The following YEATS4 variants were observed in gnomAD, a reference collection of about 807,000 sequenced individuals.
The protein encoded by YEATS4 is YEATS domain-containing protein 4.
Under a neutral mutation model 30.1 loss-of-function variants are expected in YEATS4, and 17 were observed. The ratio of observed to expected loss-of-function variants is 0.56; its 90% confidence interval spans 0.39 to 0.85. The LOEUF (loss-of-function observed/expected upper bound fraction) is 0.85, where lower values mean the gene tolerates loss of function less well. Ranked by LOEUF, YEATS4 falls within the 40% of genes least tolerant of loss-of-function variation. The pLI is 0.00. For synonymous variants in YEATS4, 85 were observed against 87.5 expected, an observed-to-expected ratio of 0.97 and a Z score of 0.16; for missense variants, 142 against 268.3, an observed-to-expected ratio of 0.53 and a Z score of 3.29.
intron 4 of YEATS4, among the ~76,000 whole-genome samples, chr12:69,369,398 T>C (rs1321000650): frequency 1.3e-5 from 2 of 152,208 alleles, no homozygotes; most frequent in Non-Finnish European, 2.9e-5. Flanking sequence ...TGTCCTTATT[T>C]TTTCTTCATA....
At chr12:69,379,112 C>G (rs1467157591) in intron 6 of YEATS4, among the ~76,000 whole-genome samples, 1 of 152,152 alleles carries the variant, frequency 6.6e-6, no homozygotes, top group East Asian at 1.9e-4. Context: ...ACTGAAAAGT[C>G]CACTACCAGA....
chr12:69,422,102 G>A, the YEATS4 span, among the ~76,000 whole-genome samples: 1 of 152,144 alleles, frequency 6.6e-6, no homozygotes, highest in Non-Finnish European at 1.5e-5. Flanking sequence ...GAAGATAGAA[G>A]ATTCTGGCGA....
the YEATS4 span, among the ~76,000 whole-genome samples, chr12:69,405,673 G>A: frequency 6.6e-5 from 10 of 152,330 alleles, no homozygotes; most frequent in African/African-American, 2.2e-4. Flanking sequence ...TGCAGACAGC[G>A]TGGATCTGCT....
chr12:69,381,185 C>T lies in YEATS4; in HGVS notation c.515-8962C>T, dbSNP rs541097683. Among the ~76,000 whole-genome samples the T allele has an allele frequency of 1.5e-4, 23 of 152,162 alleles. No individual in the cohort carries two copies. The South Asian group carries it at 4.6e-3, about 30-fold the overall frequency. ...CTAATTTCATCCCTACAGCTGCGACCGTAAAAGACAGCCGCCCCTGAAGCA... is the reference window on the plus strand; with the variant it reads ...CTAATTTCATCCCTACAGCTGCGACTGTAAAAGACAGCCGCCCCTGAAGCA... On this transcript the variant is annotated intron_variant, in intron 6 of 6. Coordinates refer to ENST00000247843, the MANE Select transcript of YEATS4 (RefSeq NM_006530.4).
At chr12:69,392,146 T>A (rs315112), downstream of YEATS4, among the ~76,000 whole-genome samples, 106,401 of 152,088 alleles carry the variant, frequency 0.7, 37,793 homozygotes, top group African/African-American at 0.83. Context: ...GGAGATGCTC[T>A]GCATCATTCA....
intron 6 of YEATS4, among the ~76,000 whole-genome samples, chr12:69,384,522 A>G (rs375494703): frequency 1.3e-5 from 2 of 152,222 alleles, no homozygotes; most frequent in Admixed American, 1.3e-4. Context: ...TGGTGTTGGC[A>G]TAATTGGTAA....
At chr12:69,411,676 A>G in the YEATS4 span, among the ~76,000 whole-genome samples, 1 of 152,234 alleles carries the variant, frequency 6.6e-6, no homozygotes, top group Non-Finnish European at 1.5e-5. Flanking sequence ...GGAGTGGTCC[A>G]TGCAGGCCTT....
At chr12:69,386,884 TAA>T (rs1285048912) in intron 6 of YEATS4, among the ~76,000 whole-genome samples, 2 of 152,202 alleles carry the variant, frequency 1.3e-5, no homozygotes, top group Non-Finnish European at 2.9e-5. Context: ...ATACCTATGA[TAA>T]AGTTTAATTT....
chr12:69,391,980 A>G (rs917311108), downstream of YEATS4, among the ~76,000 whole-genome samples: 1 of 152,096 alleles, frequency 6.6e-6, no homozygotes, highest in African/African-American at 2.4e-5. Context: ...CTTACTCTCT[A>G]TTGGCTCTTA....
the YEATS4 span, among the ~76,000 whole-genome samples, chr12:69,416,723 G>A: frequency 0.018 from 2,792 of 152,294 alleles, 40 homozygotes; most frequent in Non-Finnish European, 0.03. Context: ...AACAATCAAT[G>A]CCCAGTGCTT....
chr12:69,406,906 C>T, the YEATS4 span, among the ~76,000 whole-genome samples: 16 of 152,174 alleles, frequency 1.1e-4, no homozygotes, highest in African/African-American at 3.6e-4. Context: ...CCTCGACTTC[C>T]CAGGCTCAAG....
chr12:69,414,972 C>T, the YEATS4 span, among the ~76,000 whole-genome samples: 92,917 of 152,048 alleles, frequency 0.61, 29,491 homozygotes, highest in East Asian at 0.81. Flanking sequence ...ATTATAGAGA[C>T]TGGGGGACAA....
intron 6 of YEATS4, among the ~76,000 whole-genome samples, chr12:69,387,588 C>T (rs1243788064): frequency 6.6e-6 from 1 of 152,164 alleles, no homozygotes; most frequent in Non-Finnish European, 1.5e-5. Flanking sequence ...CAATTAGGTC[C>T]TCTGTAGTCA....
At chr12:69,366,285 G>C (rs1237463142) in intron 4 of YEATS4, among the ~76,000 whole-genome samples, 1 of 151,992 alleles carries the variant, frequency 6.6e-6, no homozygotes, top group Non-Finnish European at 1.5e-5. Context: ...ATCAGTACTA[G>C]CGCTTCATTT....
chr12:69,412,494 C>T, the YEATS4 span, among the ~76,000 whole-genome samples: 5 of 150,760 alleles, frequency 3.3e-5, no homozygotes, highest in African/African-American at 1.2e-4. Flanking sequence ...ACTAAAAATA[C>T]AAAAAAAAAT....
At chr12:69,381,646 C>T (rs1876083569) in intron 6 of YEATS4, among the ~76,000 whole-genome samples, 2 of 152,182 alleles carry the variant, frequency 1.3e-5, no homozygotes, top group South Asian at 2.1e-4. Context: ...GTAGTAAAGA[C>T]AGGCGTAAGA....
intron 2 of YEATS4, among the ~76,000 whole-genome samples, chr12:69,363,617 T>C (rs554709544): frequency 1.3e-5 from 2 of 152,344 alleles, no homozygotes; most frequent in Admixed American, 1.3e-4. Context: ...TGATTGCTAG[T>C]AATTTTGTTT....
At chr12:69,371,184 G>A (rs1423147432) in intron 6 of YEATS4, among the ~76,000 whole-genome samples, 3 of 152,202 alleles carry the variant, frequency 2.0e-5, no homozygotes, top group Non-Finnish European at 4.4e-5. Context: ...GTGAAAGACA[G>A]CCTCTTACAT....
chr12:69,398,349 G>A, the YEATS4 span, among the ~76,000 whole-genome samples: 1 of 151,952 alleles, frequency 6.6e-6, no homozygotes, highest in South Asian at 2.1e-4. Flanking sequence ...GTAATAAATG[G>A]ATGCAGCAAA....
Sources: gnomAD v4.1 joint callset for allele counts (sites outside exome capture counted in the v4.1 genomes callset) on GRCh38, gnomAD v4.1.1 for gene constraint, MANE v1.5 for transcripts, NCBI Gene and HGNC (gene_info 2026-07-23, HGNC 2026-07-21) for gene names.